Variants in TNNI3K observed in about 807,000 individuals in gnomAD.
TNNI3K encodes the protein serine/threonine-protein kinase TNNI3K.
TNNI3K carries 140 observed loss-of-function variants against 114.5 expected under a neutral mutation model. That is an observed-to-expected ratio of 1.22 (90% confidence interval 1.07 to 1.41). The LOEUF (loss-of-function observed/expected upper bound fraction) is 1.41, where lower values mean the gene tolerates loss of function less well. Among genes scored for constraint, TNNI3K ranks in the 40% most tolerant of loss-of-function variants. The pLI is 0.00. For synonymous variants in TNNI3K, 347 were observed against 347.5 expected, an observed-to-expected ratio of 1.00 and a Z score of 0.02; for missense variants, 1,125 against 1,007.6, an observed-to-expected ratio of 1.12 and a Z score of -1.58.
intron 17 of TNNI3K, among the ~76,000 whole-genome samples, chr1:74,381,681 C>A (rs745757291): frequency 6.6e-6 from 1 of 152,070 alleles, no homozygotes; most frequent in Non-Finnish European, 1.5e-5. Context: ...TTGGTTCGAA[C>A]TTGAATCAGG....
chr1:74,386,932 T>A (rs1466067989), intron 17 of TNNI3K, among the ~76,000 whole-genome samples: 1 of 152,176 alleles, frequency 6.6e-6, no homozygotes, highest in East Asian at 1.9e-4. Flanking sequence ...TAACTGTATA[T>A]TAAGGATATG....
intron 5 of TNNI3K, among the ~76,000 whole-genome samples, chr1:74,314,655 A>ATG (rs1159024716): frequency 1.3e-5 from 2 of 152,168 alleles, no homozygotes; most frequent in African/African-American, 4.8e-5. Flanking sequence ...GATGTCATAA[A>ATG]CACATTTATA....
At chr1:74,278,499 A>C (rs1361507075) in intron 5 of TNNI3K, among the ~76,000 whole-genome samples, 1 of 152,030 alleles carries the variant, frequency 6.6e-6, no homozygotes, top group African/African-American at 2.4e-5. Context: ...CCCCTCAAAG[A>C]CTTAGCACAT....
Position 74,443,545 on chromosome 1 carries a change from A to T in TNNI3K, c.2011+3923A>T, listed in dbSNP as rs112420110. ...GCCTATCAACAAAAAAAAGCCCAGG[A>T]CCAGACGGATTTACAACTGAATTCT... On this transcript the variant is annotated intron_variant, in intron 20 of 24. Transcript: ENST00000326637. Among the ~76,000 whole-genome samples, 1,308 of 152,216 alleles carry T rather than the reference A, an allele frequency of 8.6e-3. 22 individuals carry two copies. Among genetic ancestry groups the T allele is most frequent in the African/African-American group, 0.03 (1,230 of 41,522 alleles).
intron 2 of TNNI3K, 54 bp downstream of exon 2, chr1:74,236,264 T>A: frequency 6.7e-7 from 1 of 1,496,382 alleles, no homozygotes; most frequent in Non-Finnish European, 9.1e-7. Context: ...GTATTCACCT[T>A]ATTTTTTAAA....
intron 4 of TNNI3K, among the ~76,000 whole-genome samples, chr1:74,260,570 A>T (rs1655602412): frequency 6.6e-6 from 1 of 152,182 alleles, no homozygotes; most frequent in Non-Finnish European, 1.5e-5. Context: ...AACAAATCAT[A>T]TGCAGTACTT....
At chr1:74,377,026 A>C (rs1294143944) in intron 17 of TNNI3K, 2 of 152,060 alleles carry the variant, frequency 1.3e-5, no homozygotes, top group African/African-American at 4.8e-5. Context: ...TGCTGATTAC[A>C]TCAGAATCTC....
chr1:74,327,733 TTAA>T (rs1209753635), intron 5 of TNNI3K, among the ~76,000 whole-genome samples: 4 of 147,460 alleles, frequency 2.7e-5, no homozygotes, highest in Non-Finnish European at 6.0e-5. Context: ...AAACACATAT[TTAA>T]TAATAATATT....
chr1:74,398,566 G>A (rs896303227), intron 17 of TNNI3K, among the ~76,000 whole-genome samples: 1 of 152,186 alleles, frequency 6.6e-6, no homozygotes, highest in Middle Eastern at 3.2e-3. Flanking sequence ...AAAATAGGGA[G>A]ACTAAAGTAT....
At chr1:74,499,320 T>A (rs1477524122) in intron 23 of TNNI3K, among the ~76,000 whole-genome samples, 1 of 152,198 alleles carries the variant, frequency 6.6e-6, no homozygotes, top group Admixed American at 6.5e-5. Context: ...TTTTAATTTT[T>A]ATTTTTGTAG....
chr1:74,540,426 C>G (rs369403465), intron 24 of TNNI3K, 113 bp downstream of exon 24: 2 of 970,746 alleles, frequency 2.1e-6, no homozygotes, highest in East Asian at 5.4e-5. Context: ...ATGACAGATG[C>G]TTTAAAAATA....
chr1:74,344,294 A>G (rs1206947288), intron 9 of TNNI3K, among the ~76,000 whole-genome samples: 2 of 152,188 alleles, frequency 1.3e-5, no homozygotes, highest in African/African-American at 2.4e-5. Context: ...TGTAATCCTT[A>G]CAACATTTTA....
intron 5 of TNNI3K, among the ~76,000 whole-genome samples, chr1:74,294,972 T>C (rs1354189723): frequency 6.6e-6 from 1 of 151,734 alleles, no homozygotes; most frequent in Non-Finnish European, 1.5e-5. Context: ...TATTAGATTA[T>C]TTATTTTCAT....
intron 11 of TNNI3K, among the ~76,000 whole-genome samples, chr1:74,355,912 A>G (rs945286381): frequency 8.5e-5 from 13 of 152,146 alleles, no homozygotes; most frequent in African/African-American, 2.9e-4. Context: ...ATAAATACAA[A>G]CATATATATA....
At chr1:74,242,131 G>A (rs191115453) in intron 2 of TNNI3K, among the ~76,000 whole-genome samples, 59 of 152,174 alleles carry the variant, frequency 3.9e-4, no homozygotes, top group African/African-American at 1.4e-3. Flanking sequence ...TTACAAGCAT[G>A]AGCCACCGCG....
intron 5 of TNNI3K, among the ~76,000 whole-genome samples, chr1:74,296,011 C>T (rs578056144): frequency 3.4e-4 from 51 of 152,220 alleles, no homozygotes; most frequent in African/African-American, 1.2e-3. Flanking sequence ...CGCCATGGCT[C>T]ATTCCTGTAA....
intron 23 of TNNI3K, among the ~76,000 whole-genome samples, chr1:74,524,879 G>C (rs1646482970): frequency 6.6e-6 from 1 of 152,184 alleles, no homozygotes; most frequent in South Asian, 2.1e-4. Context: ...TTTGGGCAGA[G>C]AGGTAACATC....
intron 11 of TNNI3K, among the ~76,000 whole-genome samples, chr1:74,365,120 C>T (rs1197758688): frequency 6.6e-6 from 1 of 152,040 alleles, no homozygotes; most frequent in Admixed American, 6.6e-5. Flanking sequence ...ACCCAAAATG[C>T]ACACTGATGT....
At chr1:74,335,493 T>C (rs1553132815) in intron 6 of TNNI3K, among the ~76,000 whole-genome samples, 3 of 152,140 alleles carry the variant, frequency 2.0e-5, no homozygotes, top group Non-Finnish European at 1.5e-5. Context: ...CTCCTAGAGG[T>C]TGTGCTTAGA....
Sources: gnomAD v4.1 joint callset for allele counts (sites outside exome capture counted in the v4.1 genomes callset) on GRCh38, gnomAD v4.1.1 for gene constraint, MANE v1.5 for transcripts, NCBI Gene and HGNC (gene_info 2026-07-23, HGNC 2026-07-21) for gene names.